Variants in PLXNB3 observed in about 807,000 individuals in gnomAD.
PLXNB3 encodes plexin-B3.
A neutral mutation model predicts 125.7 loss-of-function variants in PLXNB3; 80 were observed. The ratio of observed to expected loss-of-function variants is 0.64; its 90% CI spans 0.53 to 0.77. The LOEUF (loss-of-function observed/expected upper bound fraction) is 0.77, where lower values mean the gene tolerates loss of function less well. PLXNB3 is among the 30% of genes least tolerant of loss of function. The pLI is 0.00. For synonymous variants in PLXNB3, 954 were observed against 783.3 expected, an observed-to-expected ratio of 1.22 and a Z score of -3.64; for missense variants, 1,836 against 1,729.3, an observed-to-expected ratio of 1.06 and a Z score of -1.09.
chrX:153,770,917 G>A (rs781894217), intron 11 of PLXNB3, 34 bp downstream of exon 11: 3 of 1,205,153 alleles, frequency 2.5e-6, no homozygotes, highest in Non-Finnish European at 2.2e-6. Context: ...ACAGGGCAGT[G>A]AGGTCTGCCA....
In PLXNB3 at chrX:153,769,797, T is replaced by C. The variant is rs1199740993; in HGVS notation, c.1497-10T>C. Reference sequence around the variant, plus strand: ...CCCCCACGGTGACCTGATGGACCCCTGCCTGGCAGGTGTACCCGGAAGGGC... The same window carrying C: ...CCCCCACGGTGACCTGATGGACCCCCGCCTGGCAGGTGTACCCGGAAGGGC... On this transcript the variant is annotated splice_polypyrimidine_tract_variant and intron_variant, in intron 6 of 35. Coordinates refer to ENST00000361971, the MANE Select transcript of PLXNB3 (RefSeq NM_005393.3). 1.7e-6 allele frequency: 2 copies of C among 1,202,262 alleles called. No homozygotes were observed. Among genetic ancestry groups the C allele is most frequent in the African/African-American group, 3.5e-5 (2 of 57,865 alleles).
Position 153,771,063 on chromosome X carries a change from C to T in PLXNB3, c.2235C>T (p.Ile745=), listed in dbSNP as rs1406299786. The change falls in exon 12 of 36, where the codon ATC becomes ATT. Residue 745 remains isoleucine, a synonymous_variant. Transcript: ENST00000361971. The part of the protein sequence containing the change: ...LEETAGDSGL[I]HCQAHQFYPS... ...AGACAGCAGGGGATTCAGGCCTCAT[C>T]CACTGCCAGGCCCACCAGGTGAGTG... 23 of 1,205,409 alleles carry T rather than the reference C, an allele frequency of 1.9e-5. No homozygotes were observed. The highest frequency in any genetic ancestry group is 2.5e-5 in the Non-Finnish European group (22 of 892,188).
chrX:153,771,319 T>C lies in PLXNB3; in HGVS notation c.2263T>C (p.Ser755Pro), dbSNP rs782052980. 2 of 1,207,606 alleles carry C rather than the reference T, an allele frequency of 1.7e-6. No homozygotes were observed. The highest frequency in any genetic ancestry group is 5.9e-5 in the East Asian group (2 of 33,838). ...IHCQAHQFYP[S>P]MSQRELPVPI... ...CACACTCTGCCCACAGTTTTATCCC[T>C]CCATGTCCCAGCGGGAGCTCCCAGT... is the stretch of plus-strand genomic sequence containing the variant. Residue 755 changes from serine to proline, a missense_variant, in exon 13 of 36, where the codon TCC (serine) becomes CCC (proline). Physicochemically the swap from Ser to Pro is moderately conservative, Grantham distance 74. Coordinates refer to ENST00000361971, the MANE Select transcript of PLXNB3 (RefSeq NM_005393.3).
rs187536148 is a variant in PLXNB3 at position 153,777,928 on chromosome X, C to T, written c.5262-20C>T. 19,399 of 1,195,745 alleles carry T rather than the reference C, an allele frequency of 0.016. 131 individuals carry two copies. The highest frequency in any genetic ancestry group is 0.019 in the Non-Finnish European group (16,885 of 886,702). On this transcript the variant is annotated intron_variant, in intron 31 of 35. Transcript: ENST00000361971. The stretch of plus-strand genomic sequence containing the variant: ...ATGGCAGGCCAGGGCCTCACGCCCA[C>T]GCCTGCCCTGCGCCCCCAGTCTGCT...
Position 153,773,682 on chromosome X carries a change from C to G in PLXNB3, c.3248C>G (p.Ala1083Gly), listed in dbSNP as rs2091957020. The change falls in exon 19 of 36, where the codon GCT becomes GGT. Residue 1083 changes from alanine (A) to glycine (G), a missense_variant. By Grantham distance (60) the Ala-to-Gly change is moderately conservative. Transcript: ENST00000361971. Reference protein sequence around the residue: ...SCGAPAADPQACIQLGGGLLQ... With the variant: ...SCGAPAADPQGCIQLGGGLLQ... Reference sequence around the variant, plus strand: ...GGAGCCCCTGCTGCGGACCCCCAGGCTTGTATCCAGCTCGGTGGGGGGCTG... The same window carrying G: ...GGAGCCCCTGCTGCGGACCCCCAGGGTTGTATCCAGCTCGGTGGGGGGCTG... 3 of 1,171,145 alleles carry G rather than the reference C, an allele frequency of 2.6e-6. No individual in the cohort carries two copies. Among genetic ancestry groups the G allele is most frequent in the Non-Finnish European group, 3.4e-6 (3 of 875,778 alleles).
intron 32 of PLXNB3, 35 bp downstream of exon 32, chrX:153,778,130 G>T (rs781978054): frequency 8.3e-7 from 1 of 1,210,076 alleles, no homozygotes; most frequent in South Asian, 1.8e-5. Flanking sequence ...GCTGGCAGGG[G>T]CTTGAGGAGG....
intron 22 of PLXNB3, 52 bp from the exon 23 acceptor site, chrX:153,774,654 C>T (rs2091967131): frequency 1.7e-6 from 2 of 1,148,461 alleles, no homozygotes; most frequent in Non-Finnish European, 2.3e-6. Context: ...GGCCCCGGCC[C>T]TGGCTGATGC....
rs782529626 is a variant in PLXNB3, at chrX:153,767,187, G to A, written c.360G>A (p.Leu120=). The A allele has an allele frequency of 1.3e-5, 16 of 1,205,065 alleles. No individual in the cohort carries two copies. In the Admixed American group the frequency reaches 3.3e-4, roughly 25 times the overall value. The change falls in exon 3 of 36, where the codon CTG becomes CTA. Residue 120 remains leucine, a synonymous_variant. Coordinates refer to ENST00000361971, the MANE Select transcript of PLXNB3 (RefSeq NM_005393.3). ...AQLTDNANQL[L]LVSSRAQELV... is the part of the protein sequence containing the mutation. ...TCACTGACAATGCCAACCAGCTGCT[G>A]CTGGTGAGCAGCCGCGCCCAGGAGC... is the stretch of plus-strand genomic sequence containing the variant.
chrX:153,773,163 G>A (rs782779224), intron 17 of PLXNB3, 67 bp from the exon 18 acceptor site: 338 of 1,113,793 alleles, frequency 3.0e-4, no homozygotes, highest in Non-Finnish European at 3.7e-4. Flanking sequence ...TCCTACGGGG[G>A]TTGGGCCAGG....
chrX:153,765,231 C>T (rs2091844080), intron 1 of PLXNB3, among the ~76,000 whole-genome samples: 1 of 113,197 alleles, frequency 8.8e-6, no homozygotes, highest in South Asian at 3.6e-4. Flanking sequence ...AAGGAGCCCC[C>T]TGTCCAGAAC....
At chrX:153,778,801 C>T (rs782573474) in intron 35 of PLXNB3, 127 bp downstream of exon 35, 78 of 1,115,573 alleles carry the variant, frequency 7.0e-5, no homozygotes, top group Non-Finnish European at 9.2e-5. Context: ...GGCTTTCATT[C>T]TGATTCCCCA....
intron 15 of PLXNB3, 49 bp downstream of exon 15, chrX:153,772,064 C>A (rs371618986): frequency 1.8e-4 from 211 of 1,158,820 alleles, no homozygotes; most frequent in Middle Eastern, 1.2e-3. Flanking sequence ...TCAGAGATGG[C>A]CACCCAGAGA....
In PLXNB3 at chrX:153,771,450, C is replaced by G. The variant is rs113595852; in HGVS notation, c.2348-36C>G. 5,920 of 1,207,345 alleles carry G rather than the reference C, an allele frequency of 4.9e-3. 42 individuals carry two copies. The highest frequency in any genetic ancestry group is 0.027 in the South Asian group (1,537 of 56,642). On this transcript the variant is annotated intron_variant, in intron 13 of 35. Coordinates refer to ENST00000361971, the MANE Select transcript of PLXNB3 (RefSeq NM_005393.3). ...CAGGCGGGGCAGGGTGGGTGGCAGA[C>G]AGGAGGCGCTCAGCACACTGCCTGA...
chrX:153,767,818 A>C lies in PLXNB3; in HGVS notation c.991A>C (p.Arg331=), dbSNP rs782027473. Reference sequence around the variant, plus strand: ...GGGTGCCAGCATGGAGCAGGCCCGGAGACTCTGCTACACGGCGGGCGGCCG... The same window carrying C: ...GGGTGCCAGCATGGAGCAGGCCCGGCGACTCTGCTACACGGCGGGCGGCCG... ...ELGASMEQAR[R]LCYTAGGRGP... Residue 331 remains arginine, a synonymous_variant, in exon 3 of 36, where the codon AGA becomes CGA. Coordinates refer to ENST00000361971, the MANE Select transcript of PLXNB3 (RefSeq NM_005393.3). 8.6e-7 allele frequency: 1 copy of C among 1,159,519 alleles called. No homozygotes were observed. Among genetic ancestry groups the C allele is most frequent in the African/African-American group, 1.8e-5 (1 of 56,172 alleles).
chrX:153,779,013 G>A lies in PLXNB3; in HGVS notation c.5704G>A (p.Val1902Met). 1 of 1,194,129 alleles carries A rather than the reference G, an allele frequency of 8.4e-7. No individual in the cohort carries two copies. Among genetic ancestry groups the A allele is most frequent in the Non-Finnish European group, 1.1e-6 (1 of 886,687 alleles). The change falls in exon 36 of 36, where the codon GTG (valine) becomes ATG (methionine). Residue 1902 changes from valine (V) to methionine (M), a missense_variant. Physicochemically the swap from Val to Met is conservative, Grantham distance 21 (BLOSUM62 1). Coordinates refer to ENST00000361971, the MANE Select transcript of PLXNB3 (RefSeq NM_005393.3). ...ACRLQQVAAL[V>M]ENKVTDL is the part of the protein sequence containing the mutation. ...CCGCCTGCAGCAGGTCGCCGCCCTGGTGGAAAACAAAGTGACTGACCTGTG... is the reference window on the plus strand; with the variant it reads ...CCGCCTGCAGCAGGTCGCCGCCCTGATGGAAAACAAAGTGACTGACCTGTG...
At chrX:153,776,854 G>T in intron 28 of PLXNB3, 33 bp from the exon 29 acceptor site, 1 of 1,040,456 alleles carries the variant, frequency 9.6e-7, no homozygotes, top group Non-Finnish European at 1.3e-6. Context: ...CTGGCTAGGG[G>T]TCAGCACAGC....
At position 153,769,787 on chromosome X, in the gene PLXNB3, G is replaced by C; in HGVS notation, c.1497-20G>C. On this transcript the variant is annotated intron_variant, in intron 6 of 35. Transcript: ENST00000361971. ...GAGTCTAGGACCCCCACGGTGACCT[G>C]ATGGACCCCTGCCTGGCAGGTGTAC... 2.5e-6 allele frequency: 3 copies of C among 1,200,318 alleles called. No homozygotes were observed. Among genetic ancestry groups the C allele is most frequent in the Non-Finnish European group, 3.4e-6 (3 of 890,835 alleles).
intron 8 of PLXNB3, 41 bp downstream of exon 8, chrX:153,770,289 A>G (rs782459233): frequency 1.6e-5 from 19 of 1,201,098 alleles, no homozygotes; most frequent in Non-Finnish European, 2.1e-5. Flanking sequence ...TGGAGGCTGG[A>G]GGGGTAATGA....
intron 28 of PLXNB3, among the ~76,000 whole-genome samples, 182 bp from the exon 29 acceptor site, chrX:153,776,700 CTGGGG>C (rs2091996862): frequency 3.7e-4 from 4 of 10,692 alleles, no homozygotes; most frequent in Non-Finnish European, 6.1e-4. Flanking sequence ...CAGGGCGGGG[CTGGGG>C]CGGGGATGGG....
Sources: allele counts gnomAD v4.1 joint callset (sites outside exome capture counted in the v4.1 genomes callset), GRCh38; gene constraint gnomAD v4.1.1; transcripts MANE v1.5; gene names NCBI Gene and HGNC (gene_info 2026-07-23, HGNC 2026-07-21).